The following CA1 variants were observed in gnomAD, a reference collection of about 807,000 sequenced individuals.
CA1 encodes carbonic anhydrase 1.
CA1 carries 27 observed loss-of-function variants against 28.8 expected under a neutral mutation model. The ratio of observed to expected loss-of-function variants is 0.94; its 90% CI spans 0.69 to 1.29. The LOEUF is 1.29. Ranked by LOEUF, CA1 falls within the 50% of genes most tolerant of loss-of-function variation. The pLI, the probability that CA1 is intolerant of heterozygous loss-of-function variation, is 0.00. For synonymous variants in CA1, 121 were observed against 108.8 expected (o/e 1.11, Z -0.70); for missense variants, 335 against 310.5 (o/e 1.08, Z -0.59).
At chr8:85,344,296 TAATATAATTATATATTATAC>T (rs1809083524) in intron 1 of CA1, among the ~76,000 whole-genome samples, 1 of 56,092 alleles carries the variant, frequency 1.8e-5, no homozygotes, top group African/African-American at 5.9e-5. Flanking sequence ...ATACAGTATA[TAATATAATTATATATTATAC>T]AGTATATAAT....
chr8:85,366,384 T>G (rs1810008819), intron 1 of CA1, among the ~76,000 whole-genome samples: 1 of 152,102 alleles, frequency 6.6e-6, no homozygotes, highest in South Asian at 2.1e-4. Context: ...AGACTTTTGA[T>G]CTTTTGCTCA....
At chr8:85,332,382 C>G (rs1488806327) in intron 6 of CA1, 108 bp downstream of exon 6, 8 of 846,888 alleles carry the variant, frequency 9.4e-6, no homozygotes, top group Admixed American at 5.9e-5. Context: ...CAGTTGGTAG[C>G]TTTTACTATG....
At chr8:85,377,664 GTGGTGGCATGTGCCTGTAATCCCAGC>G (rs1220222534) in intron 1 of CA1, among the ~76,000 whole-genome samples, 1 of 152,124 alleles carries the variant, frequency 6.6e-6, no homozygotes, top group Non-Finnish European at 1.5e-5. Context: ...TTAGCCAGGT[GTGGTGGCATGTGCCTGTAATCCCAGC>G]TACTCGGGAG....
In CA1 at chr8:85,375,468, C is replaced by T. The variant is rs188620116; in HGVS notation, c.-25+2578G>A. On this transcript the variant is annotated intron_variant, in intron 1 of 7. Coordinates refer to ENST00000523022, the MANE Select transcript of CA1 (RefSeq NM_001128831.4). ...TAATGCCATGTGCCACCCACCCGCC[C>T]TACACTGACCAGTGGTGCCATAAAA... 2.0e-5 allele frequency among the ~76,000 whole-genome samples: 3 copies of T among 152,166 alleles called. No homozygotes were observed. The East Asian group carries it at 5.8e-4, about 29-fold the overall frequency.
Position 85,333,635 on chromosome 8 carries a change from A to G in CA1, c.355-15T>C. 2.7e-6 allele frequency: 4 copies of G among 1,497,466 alleles called. No individual in the cohort carries two copies. The highest frequency in any genetic ancestry group is 1.4e-5 in the African/African-American group (1 of 72,690). 92.8% of individuals were successfully genotyped at this position (1,497,466 alleles called of 1,614,324 possible). A position where few individuals can be genotyped will look rare whatever the true frequency, so the allele number is the denominator to read the frequency against. On this transcript the variant is annotated splice_polypyrimidine_tract_variant and intron_variant, in intron 4 of 7. Transcript: ENST00000523022. ...GCTACGTGAAGCTAAAAATGATACT[A>G]TGGTTAATTAATTATTTATACCAGT...
Position 85,329,848 on chromosome 8 carries a change from G to T in CA1, c.514-4C>A. 2 of 1,576,692 alleles carry T rather than the reference G, an allele frequency of 1.3e-6. No homozygotes were observed. The highest frequency in any genetic ancestry group is 8.6e-7 in the Non-Finnish European group (1 of 1,157,466). On this transcript the variant is annotated splice_region_variant and splice_polypyrimidine_tract_variant and intron_variant, in intron 6 of 7. Transcript: ENST00000523022. ...TTGTGAATGGGGCTCGTTTGCCCTG[G>T]AAGAAAAGAATACATCATTACAGCA...
intron 2 of CA1, among the ~76,000 whole-genome samples, chr8:85,340,412 A>G (rs1331679397): frequency 6.6e-6 from 1 of 152,200 alleles, no homozygotes; most frequent in Non-Finnish European, 1.5e-5. Context: ...TCAGTAAAAG[A>G]AGATTCCTTT....
At chr8:85,339,921 G>C (rs1808845900) in intron 2 of CA1, among the ~76,000 whole-genome samples, 1 of 152,194 alleles carries the variant, frequency 6.6e-6, no homozygotes, top group Non-Finnish European at 1.5e-5. Context: ...CAGAAGAAAA[G>C]TTAGAAGCTA....
intron 6 of CA1, among the ~76,000 whole-genome samples, chr8:85,332,137 T>G (rs374871421): frequency 5.3e-5 from 8 of 152,312 alleles, no homozygotes; most frequent in East Asian, 1.9e-4. Flanking sequence ...CCTTTACTTC[T>G]GAATTTTTCT....
At chr8:85,368,190 G>T (rs552631984) in intron 1 of CA1, among the ~76,000 whole-genome samples, 151 of 151,464 alleles carry the variant, frequency 1.0e-3, no homozygotes, top group African/African-American at 3.4e-3. Flanking sequence ...TTATTTTGAG[G>T]CAGAGTCTCA....
intron 1 of CA1, among the ~76,000 whole-genome samples, chr8:85,352,404 T>C (rs1188172499): frequency 3.3e-5 from 5 of 152,152 alleles, no homozygotes; most frequent in East Asian, 3.9e-4. Context: ...TGAATAGACA[T>C]GTGTGAACCT....
chr8:85,337,543 G>C (rs531369897), intron 3 of CA1, among the ~76,000 whole-genome samples: 1 of 152,174 alleles, frequency 6.6e-6, no homozygotes, highest in African/African-American at 2.4e-5. Flanking sequence ...AGAATCCCTG[G>C]CCAGGGACCA....
chr8:85,328,998 G>GGGGT, intron 7 of CA1, among the ~76,000 whole-genome samples: 1 of 152,136 alleles, frequency 6.6e-6, no homozygotes. Context: ...TTGGGCGAGC[G>GGGGT]ACTTATTAGC....
intron 1 of CA1, among the ~76,000 whole-genome samples, chr8:85,344,347 T>A: frequency 7.3e-6 from 1 of 137,558 alleles, no homozygotes. Context: ...AATTTATACA[T>A]ATATTATGTA....
intron 1 of CA1, among the ~76,000 whole-genome samples, chr8:85,365,365 A>G (rs1387229838): frequency 3.3e-5 from 5 of 152,238 alleles, no homozygotes; most frequent in African/African-American, 1.2e-4. Flanking sequence ...GAAAGGTGAG[A>G]TTAAATGATT....
chr8:85,330,151 A>G (rs1001854933), intron 6 of CA1, among the ~76,000 whole-genome samples: 2 of 152,140 alleles, frequency 1.3e-5, no homozygotes, highest in African/African-American at 4.8e-5. Context: ...TTTAAAACAT[A>G]TTTAATTTCT....
At chr8:85,334,610 TCCTC>T (rs1293685780) in intron 4 of CA1, among the ~76,000 whole-genome samples, 2 of 148,634 alleles carry the variant, frequency 1.3e-5, no homozygotes. Flanking sequence ...CTCCCTTCCT[TCCTC>T]CCTCCCTTCC....
In CA1 at chr8:85,341,584, C is replaced by A; in HGVS notation, c.37+15G>T. The A allele has an allele frequency of 6.7e-7, 1 of 1,486,808 alleles. No individual in the cohort carries two copies. The allele number at this position is 1,486,808 out of a possible 1,614,324, so 92.1% of individuals were successfully genotyped here. A position where few individuals can be genotyped will look rare whatever the true frequency, so the allele number is the denominator to read the frequency against. ...AAGTTATCATTTTGATCTATATAAA[C>A]AGGAGAACTCTTACCATTTTTGTCA... On this transcript the variant is annotated intron_variant, in intron 2 of 7. Transcript: ENST00000523022.
intron 1 of CA1, among the ~76,000 whole-genome samples, chr8:85,361,190 G>T (rs1185805873): frequency 6.6e-6 from 1 of 152,126 alleles, no homozygotes; most frequent in Non-Finnish European, 1.5e-5. Context: ...TCTCAAGGGA[G>T]CTGAACTGGT....
Sources: allele counts gnomAD v4.1 joint callset (sites outside exome capture counted in the v4.1 genomes callset), GRCh38; gene constraint gnomAD v4.1.1; transcripts MANE v1.5; gene names NCBI Gene and HGNC (gene_info 2026-07-23, HGNC 2026-07-21).